The following CCND3 variants were observed in gnomAD, a reference collection of about 807,000 sequenced individuals.
CCND3 encodes the protein cyclin D3.
A neutral mutation model predicts 28.7 loss-of-function variants in CCND3; 9 were observed. The observed-to-expected ratio is 0.31, with a 90% CI of 0.19 to 0.55. The LOEUF is 0.55. CCND3 is among the 20% of genes least tolerant of loss of function. The pLI is 0.93. For synonymous variants in CCND3, 164 were observed against 163.9 expected, an observed-to-expected ratio of 1.00 and a Z score of 0.00; for missense variants, 315 against 385.8, an observed-to-expected ratio of 0.82 and a Z score of 1.54.
At chr6:42,000,429 A>G (rs538251039) in intron 1 of CCND3, among the ~76,000 whole-genome samples, 4 of 150,074 alleles carry the variant, frequency 2.7e-5, no homozygotes, top group African/African-American at 7.3e-5. Flanking sequence ...TTTAGTAGAG[A>G]CAGGGTTTCA....
At chr6:42,010,669 C>T (rs2127427298) in intron 1 of CCND3, among the ~76,000 whole-genome samples, 1 of 152,258 alleles carries the variant, frequency 6.6e-6, no homozygotes, top group East Asian at 1.9e-4. Context: ...AGCTGTGCTC[C>T]TCTGCGGGGT....
At chr6:41,951,571 C>A (rs71544445) in intron 1 of CCND3, among the ~76,000 whole-genome samples, 43,864 of 74,188 alleles carry the variant, frequency 0.59, 14,824 homozygotes, top group African/African-American at 0.68. Flanking sequence ...CACACACACA[C>A]ACACAAAAAA....
intron 1 of CCND3, among the ~76,000 whole-genome samples, chr6:42,026,270 C>A (rs1331202943): frequency 6.6e-6 from 1 of 152,104 alleles, no homozygotes; most frequent in Non-Finnish European, 1.5e-5. Flanking sequence ...AGCACAGACC[C>A]TCTCCCCCCG....
At chr6:42,038,999 G>T (rs1333558563) in intron 1 of CCND3, among the ~76,000 whole-genome samples, 4 of 152,118 alleles carry the variant, frequency 2.6e-5, no homozygotes, top group Admixed American at 2.6e-4. Flanking sequence ...ATATTTAACG[G>T]TCATAAATTC....
At chr6:41,953,837 G>C (rs1195300423) in intron 1 of CCND3, among the ~76,000 whole-genome samples, 1 of 151,916 alleles carries the variant, frequency 6.6e-6, no homozygotes, top group East Asian at 1.9e-4. Context: ...GGCACGGGAG[G>C]AAAACAGCTT....
At chr6:41,988,240 A>C (rs1245559434) in intron 1 of CCND3, among the ~76,000 whole-genome samples, 2 of 152,022 alleles carry the variant, frequency 1.3e-5, no homozygotes, top group East Asian at 3.8e-4. Flanking sequence ...CGGGAGGCAG[A>C]GGTTGTGATG....
chr6:41,965,303 C>T (rs760808965), intron 1 of CCND3, among the ~76,000 whole-genome samples: 3 of 151,962 alleles, frequency 2.0e-5, no homozygotes, highest in East Asian at 1.9e-4. Flanking sequence ...CTCCTGACCT[C>T]GTGATCCGCC....
chr6:42,035,901 C>T (rs1274070705), intron 1 of CCND3, among the ~76,000 whole-genome samples: 1 of 152,028 alleles, frequency 6.6e-6, no homozygotes, highest in Non-Finnish European at 1.5e-5. Flanking sequence ...TGGTTTTGAA[C>T]TCCTGACTTT....
chr6:41,940,643 G>T, intron 1 of CCND3, 58 bp from the exon 2 acceptor site: 4 of 1,225,464 alleles, frequency 3.3e-6, no homozygotes, highest in South Asian at 1.2e-5. Flanking sequence ...CAGCAGCGGG[G>T]GGGTGGGAGC....
At chr6:41,971,150 T>A (rs1162463182) in intron 1 of CCND3, among the ~76,000 whole-genome samples, 1 of 152,174 alleles carries the variant, frequency 6.6e-6, no homozygotes, top group African/African-American at 2.4e-5. Context: ...ACTCCTGACC[T>A]CAGGTGATCC....
chr6:41,998,579 C>T (rs551972086), intron 1 of CCND3, among the ~76,000 whole-genome samples: 69 of 151,940 alleles, frequency 4.5e-4, no homozygotes, highest in Non-Finnish European at 6.8e-4. Flanking sequence ...CCGCCTGCCT[C>T]GGTCTCCTAA....
At chr6:42,022,266 T>A (rs1763734998) in intron 1 of CCND3, among the ~76,000 whole-genome samples, 1 of 152,154 alleles carries the variant, frequency 6.6e-6, no homozygotes, top group South Asian at 2.1e-4. Context: ...TCCTATAATG[T>A]CTTTCATATT....
Position 41,936,832 on chromosome 6 carries a change from G to A in CCND3, c.575-137C>T, listed in dbSNP as rs1268481628. 61 of 817,118 alleles carry A rather than the reference G, an allele frequency of 7.5e-5. 1 individual carries two copies. The South Asian group carries it at 1.0e-3, about 14-fold the overall frequency. The allele number at this position is 817,118 out of a possible 1,614,324, so 50.6% of individuals were successfully genotyped here. ...TGCTGGAAAACTCCAGCAGTGGGTG[G>A]GGCAAGATATCAGCAAGGGAGGAAG... is the stretch of plus-strand genomic sequence containing the variant. On this transcript the variant is annotated intron_variant, in intron 3 of 4. Coordinates refer to ENST00000372991, the MANE Select transcript of CCND3 (RefSeq NM_001760.5). The surrounding 1 kb of genome is among the most constrained non-coding windows in gnomAD (Gnocchi z 4.4).
At chr6:41,998,442 G>A (rs969010496) in intron 1 of CCND3, among the ~76,000 whole-genome samples, 9 of 150,164 alleles carry the variant, frequency 6.0e-5, no homozygotes, top group Admixed American at 3.3e-4. Context: ...TCCACCTCCC[G>A]GGTTCAAGTG....
chr6:42,036,550 C>T (rs1444697008), intron 1 of CCND3, among the ~76,000 whole-genome samples: 1 of 150,662 alleles, frequency 6.6e-6, no homozygotes, highest in Non-Finnish European at 1.5e-5. Context: ...TCTACAGGCG[C>T]ACACCACCAA....
intron 1 of CCND3, among the ~76,000 whole-genome samples, chr6:41,984,259 C>A (rs553217065): frequency 6.6e-6 from 1 of 152,248 alleles, no homozygotes; most frequent in East Asian, 1.9e-4. Flanking sequence ...CATAGAGGTA[C>A]AAATATCTCT....
At chr6:41,998,867 T>C (rs962365961) in intron 1 of CCND3, among the ~76,000 whole-genome samples, 5 of 149,838 alleles carry the variant, frequency 3.3e-5, no homozygotes, top group African/African-American at 1.2e-4. Context: ...TTAGTAGAGA[T>C]GGAGTTTCTC....
upstream of CCND3, chr6:42,049,617 G>C (rs893608929): frequency 6.6e-6 from 1 of 152,266 alleles, no homozygotes; most frequent in Non-Finnish European, 1.5e-5. Flanking sequence ...GGAGTGAGGC[G>C]GCAAGGGACA....
intron 1 of CCND3, among the ~76,000 whole-genome samples, chr6:42,039,931 G>A (rs1764320907): frequency 6.6e-6 from 1 of 152,228 alleles, no homozygotes; most frequent in Admixed American, 6.5e-5. Flanking sequence ...GGGGATTCGT[G>A]TCAACACCAT....
Sources: allele counts gnomAD v4.1 joint callset (sites outside exome capture counted in the v4.1 genomes callset), GRCh38; gene constraint gnomAD v4.1.1; non-coding constraint Gnocchi (gnomAD v3.1); transcripts MANE v1.5; gene names NCBI Gene and HGNC (gene_info 2026-07-23, HGNC 2026-07-21).